Variants in KIF1C observed in about 807,000 individuals in gnomAD.
The protein encoded by KIF1C is kinesin family member 1C.
In KIF1C, 61 loss-of-function variants were observed where a neutral mutation model predicts 126.5. The ratio of observed to expected loss-of-function variants is 0.48; its 90% confidence interval spans 0.39 to 0.60. The LOEUF (loss-of-function observed/expected upper bound fraction) is 0.60. Ranked by LOEUF, KIF1C falls within the 20% of genes least tolerant of loss-of-function variation. The probability of loss-of-function intolerance (pLI) is 0.00; values close to 1 mark genes in which losing one functional copy is unlikely to be tolerated. For missense variants in KIF1C, 1,315 were observed against 1,489.2 expected (o/e 0.88, Z 1.93); for synonymous variants, 640 against 580.6 (o/e 1.10, Z -1.47).
rs1308685223 is a variant in KIF1C at position 5,000,344 on chromosome 17, A to C, written c.98A>C (p.Asn33Thr). 2 of 1,582,690 alleles carry C rather than the reference A, an allele frequency of 1.3e-6. No homozygotes were observed. The highest frequency in any genetic ancestry group is 1.8e-5 in the Admixed American group (1 of 55,886). ...AAGTGTGTGGTCAGCATGCAGGGCAACACCACCTGTGAGTGAGTCCCCGGG... is the reference window on the plus strand; with the variant it reads ...AAGTGTGTGGTCAGCATGCAGGGCACCACCACCTGTGAGTGAGTCCCCGGG... ...DAKCVVSMQG[N>T]TTSIINPKQS... The change falls in exon 3 of 23, where the codon AAC (asparagine) becomes ACC (threonine). Residue 33 changes from asparagine (N) to threonine (T), a missense_variant. By Grantham distance (65) the Asn-to-Thr change is moderately conservative. Coordinates refer to ENST00000320785, the MANE Select transcript of KIF1C (RefSeq NM_006612.6).
Position 5,002,411 on chromosome 17 carries a change from G to A in KIF1C, c.430-53G>A, listed in dbSNP as rs929367786. On this transcript the variant is annotated intron_variant, in intron 6 of 22. Coordinates refer to ENST00000320785, the MANE Select transcript of KIF1C (RefSeq NM_006612.6). ...GTCCAGTGGAGTCAGATTAAGTTGCGTTGTCATTGTTTTTGCTAGTTTTGT... is the reference window on the plus strand; with the variant it reads ...GTCCAGTGGAGTCAGATTAAGTTGCATTGTCATTGTTTTTGCTAGTTTTGT... 206 of 1,500,116 alleles carry A rather than the reference G, an allele frequency of 1.4e-4. No individual in the cohort carries two copies. The East Asian group carries it at 4.3e-3, about 31-fold the overall frequency. 92.9% of individuals were successfully genotyped at this position (1,500,116 alleles called of 1,614,324 possible).
chr17:5,013,693 C>CT lies in KIF1C; in HGVS notation c.1533dup (p.Glu512Ter). 6.2e-7 allele frequency: 1 copy of CT among 1,613,872 alleles called. No individual in the cohort carries two copies. ...AACCTGAACGAAGACCCTCTGATGT[C>CT]TGAGTGTCTGCTCTACCACATCAAA... On this transcript the variant is annotated frameshift_variant, in exon 17 of 23. Coordinates refer to ENST00000320785, the MANE Select transcript of KIF1C (RefSeq NM_006612.6). LOFTEE classifies it high-confidence loss of function.
rs1975134233 is a variant in KIF1C, at chr17:5,023,448, T to C, written c.2629-20T>C. On this transcript the variant is annotated intron_variant, in intron 22 of 22. Coordinates refer to ENST00000320785, the MANE Select transcript of KIF1C (RefSeq NM_006612.6). This position sits in a 1 kb window ranked among gnomAD's most constrained non-coding sequence, Gnocchi z 4.2. ...AGCTCTCCTCACATCCCTTCTCCTT[T>C]TCTCACTCCTCCCTCCCAGGATCAT... 1 of 1,608,574 alleles carries C rather than the reference T, an allele frequency of 6.2e-7. No individual in the cohort carries two copies. The highest frequency in any genetic ancestry group is 8.5e-7 in the Non-Finnish European group (1 of 1,175,842).
At chr17:5,003,802 C>A in intron 9 of KIF1C, 49 bp from the exon 10 acceptor site, 1 of 1,579,308 alleles carries the variant, frequency 6.3e-7, no homozygotes, top group South Asian at 1.1e-5. Context: ...GGAAGTGGAT[C>A]ACATTGGGAG....
At position 5,023,293 on chromosome 17, in the gene KIF1C, A is replaced by G. The variant is rs372293086; in HGVS notation, c.2629-175A>G. On this transcript the variant is annotated intron_variant, in intron 22 of 22. Coordinates refer to ENST00000320785, the MANE Select transcript of KIF1C (RefSeq NM_006612.6). The surrounding 1 kb of genome is among the most constrained non-coding windows in gnomAD (Gnocchi z 4.2). ...CTCAGCTTCCCAAAGTGCTGCGATT[A>G]CAGGCGTGAGCCACTGCGCCCGGCC... Among the ~76,000 whole-genome samples, 2 of 152,190 alleles carry G rather than the reference A, an allele frequency of 1.3e-5. No homozygotes were observed.
At chr17:5,009,248 T>C (rs2143338839) in intron 16 of KIF1C, among the ~76,000 whole-genome samples, 1 of 151,884 alleles carries the variant, frequency 6.6e-6, no homozygotes, top group South Asian at 2.1e-4. Context: ...GGTGCAATCT[T>C]GGCTGACTGC....
intron 16 of KIF1C, chr17:5,011,466 C>T (rs1321280670): frequency 1.3e-5 from 2 of 152,168 alleles, no homozygotes; most frequent in African/African-American, 4.8e-5. Context: ...TGCTTGATGT[C>T]CTAGGCTTCT....
At chr17:5,009,560 G>A (rs960908831) in intron 16 of KIF1C, among the ~76,000 whole-genome samples, 3 of 151,598 alleles carry the variant, frequency 2.0e-5, no homozygotes, top group African/African-American at 4.8e-5. Flanking sequence ...AGGCCAAGGC[G>A]GGTGGATCAC....
At chr17:5,018,314 C>T (rs1189753223) in intron 18 of KIF1C, among the ~76,000 whole-genome samples, 1 of 151,528 alleles carries the variant, frequency 6.6e-6, no homozygotes, top group African/African-American at 2.4e-5. Flanking sequence ...AGATTATCTG[C>T]TTTTAAAAAT....
chr17:5,000,905 TG>T (rs1974573299), intron 4 of KIF1C, 57 bp downstream of exon 4: 1 of 1,516,778 alleles, frequency 6.6e-7, no homozygotes, highest in Non-Finnish European at 9.2e-7. Context: ...ATTTAGGTCC[TG>T]GGGAGGGGAC....
At chr17:5,002,168 G>T (rs746831562) in intron 6 of KIF1C, 44 bp downstream of exon 6, 1 of 1,550,634 alleles carries the variant, frequency 6.4e-7, no homozygotes, top group South Asian at 1.1e-5. Flanking sequence ...GGTCCAGACT[G>T]CTGAGGGCTG....
chr17:5,018,220 G>T (rs2143371817), intron 18 of KIF1C, among the ~76,000 whole-genome samples: 1 of 151,818 alleles, frequency 6.6e-6, no homozygotes, highest in Admixed American at 6.6e-5. Flanking sequence ...AGCTCAAGCA[G>T]TCCACCTGCC....
rs1567729948 is a variant in KIF1C, at chr17:5,024,127, C to G, written c.3288C>G (p.Leu1096=). 1.2e-6 allele frequency: 2 copies of G among 1,610,518 alleles called. No homozygotes were observed. The highest frequency in any genetic ancestry group is 3.4e-5 in the Admixed American group (2 of 59,612). The part of the protein sequence containing the change: ...RMRRQRSAPD[L]KESGAAV ...GACGGCAGCGTTCTGCCCCTGACCT[C>G]AAGGAGAGTGGGGCAGCTGTGTGAG... Residue 1096 remains leucine, a synonymous_variant, in exon 23 of 23, where the codon CTC becomes CTG. Coordinates refer to ENST00000320785, the MANE Select transcript of KIF1C (RefSeq NM_006612.6).
intron 16 of KIF1C, among the ~76,000 whole-genome samples, 162 bp downstream of exon 16, chr17:5,007,704 C>T (rs1487715029): frequency 6.6e-6 from 1 of 152,144 alleles, no homozygotes; most frequent in African/African-American, 2.4e-5. Context: ...TCCTCTCCGT[C>T]TTGTTTAGTC....
In KIF1C at chr17:5,020,693, C is replaced by G; in HGVS notation, c.1937+15C>G. On this transcript the variant is annotated intron_variant, in intron 20 of 22. Transcript: ENST00000320785. This position sits in a 1 kb window ranked among gnomAD's most constrained non-coding sequence, Gnocchi z 5.8. ...ATGGAGAAGAGGTGCGAGGGGGTTA[C>G]CCACGTGCCCCATGGCCGTCTAGGC... The G allele has an allele frequency of 6.2e-7, 1 of 1,612,054 alleles. No homozygotes were observed. Among genetic ancestry groups the G allele is most frequent in the Non-Finnish European group, 8.5e-7 (1 of 1,178,436 alleles).
rs139426771 is a variant in KIF1C, at chr17:5,020,711, G to T, written c.1937+33G>T. ...GGGGTTACCCACGTGCCCCATGGCC[G>T]TCTAGGCCGTCCCTCCCGGGCCTCT... On this transcript the variant is annotated intron_variant, in intron 20 of 22. Transcript: ENST00000320785. This position sits in a 1 kb window ranked among gnomAD's most constrained non-coding sequence, Gnocchi z 5.8. 13 of 1,610,678 alleles carry T rather than the reference G, an allele frequency of 8.1e-6. No homozygotes were observed. The highest frequency in any genetic ancestry group is 4.5e-5 in the East Asian group (2 of 44,812).
intron 9 of KIF1C, 77 bp from the exon 10 acceptor site, chr17:5,003,774 A>G: frequency 1.3e-6 from 2 of 1,555,822 alleles, no homozygotes; most frequent in Non-Finnish European, 1.8e-6. Flanking sequence ...TGAGACTCTC[A>G]CTGGGGAGGT....
Position 5,024,069 on chromosome 17 carries a change from G to T in KIF1C, c.3230G>T (p.Arg1077Leu), listed in dbSNP as rs759515240. 6.4e-7 allele frequency: 1 copy of T among 1,567,374 alleles called. No homozygotes were observed. Among genetic ancestry groups the T allele is most frequent in the Non-Finnish European group, 8.7e-7 (1 of 1,153,302 alleles). Residue 1077 changes from arginine to leucine, a missense_variant, in exon 23 of 23, where the codon CGC (arginine) becomes CTC (leucine). Physicochemically the swap from Arg to Leu is moderately radical, Grantham distance 102 (BLOSUM62 -2). Coordinates refer to ENST00000320785, the MANE Select transcript of KIF1C (RefSeq NM_006612.6). Reference protein sequence around the residue: ...PYPAQRPPGPRYPPYTTPPRM... With the variant: ...PYPAQRPPGPLYPPYTTPPRM... ...CCAGCCCAGCGGCCCCCAGGGCCCC[G>T]CTACCCCCCATACACTACTCCCCCA...
At position 5,024,538 on chromosome 17, in the gene KIF1C, C is replaced by T. The variant is rs925785759; in HGVS notation, c.*387C>T. 2.1e-4 allele frequency: 40 copies of T among 191,276 alleles called. No individual in the cohort carries two copies. Among genetic ancestry groups the T allele is most frequent in the South Asian group, 3.4e-4 (2 of 5,948 alleles). 11.8% of individuals were successfully genotyped at this position (191,276 alleles called of 1,614,324 possible). A position where few individuals can be genotyped will look rare whatever the true frequency, so the allele number is the denominator to read the frequency against. On this transcript the variant is annotated 3_prime_UTR_variant, in exon 23 of 23. Transcript: ENST00000320785. Reference sequence around the variant, plus strand: ...AGGCAAGTTCTCCCCAGCCCCTGTCCGTCTGTCTGTCTGTCTGTGGTGGTT... The same window carrying T: ...AGGCAAGTTCTCCCCAGCCCCTGTCTGTCTGTCTGTCTGTCTGTGGTGGTT...
Sources: allele counts gnomAD v4.1 joint callset (sites outside exome capture counted in the v4.1 genomes callset), GRCh38; gene constraint gnomAD v4.1.1; non-coding constraint Gnocchi (gnomAD v3.1); transcripts MANE v1.5; gene names NCBI Gene and HGNC (gene_info 2026-07-23, HGNC 2026-07-21).